Variants in ZBBX observed in about 807,000 individuals in gnomAD.
ZBBX encodes zinc finger B-box domain containing.
In ZBBX, 101 loss-of-function variants were observed where a neutral mutation model predicts 108.5. The observed-to-expected ratio is 0.93, with a 90% CI of 0.79 to 1.10. The LOEUF is 1.10. Among genes scored for constraint, ZBBX ranks in the 50% least tolerant of loss-of-function variants. ZBBX has a pLI of 0.00. For missense variants in ZBBX, 1,009 were observed against 941.4 expected (o/e 1.07, Z -0.94); for synonymous variants, 356 against 323.4 (o/e 1.10, Z -1.08).
chr3:167,383,496 A>C (rs1260663424), upstream of ZBBX, among the ~76,000 whole-genome samples: 2 of 152,102 alleles, frequency 1.3e-5, no homozygotes, highest in African/African-American at 4.8e-5. Context: ...GCTAAACTTG[A>C]GGAAGAATAA....
At chr3:167,348,251 G>GTGGA (rs1560162561) in intron 9 of ZBBX, among the ~76,000 whole-genome samples, 7 of 119,328 alleles carry the variant, frequency 5.9e-5, no homozygotes, top group Non-Finnish European at 9.0e-5. Context: ...GGGAGGGAGG[G>GTGGA]AGGGTGGAAG....
In ZBBX at chr3:167,282,443, A is replaced by C; in HGVS notation, c.2049T>G (p.Val683=). 6.2e-7 allele frequency: 1 copy of C among 1,614,026 alleles called. No individual in the cohort carries two copies. Among genetic ancestry groups the C allele is most frequent in the Non-Finnish European group, 8.5e-7 (1 of 1,179,902 alleles). The stretch of plus-strand genomic sequence containing the variant: ...ATGAAAGGCAACTGGAGCTTTCTTT[A>C]ACAGAGTTGGAAAGTGGAAAATTTG... ...STANFPLSNS[V]KESSSCLSSS... is the part of the protein sequence containing the mutation. Residue 683 remains valine, a synonymous_variant, in exon 20 of 22, where the codon GTT becomes GTG. Transcript: ENST00000675490.
intron 12 of ZBBX, 95 bp downstream of exon 12, chr3:167,322,022 A>G (rs1262467287): frequency 1.4e-6 from 1 of 697,710 alleles, no homozygotes; most frequent in Non-Finnish European, 2.1e-6. Context: ...AATATGAAAT[A>G]TACATATAAA....
intron 15 of ZBBX, among the ~76,000 whole-genome samples, chr3:167,314,769 T>G (rs1322404437): frequency 1.3e-5 from 2 of 152,162 alleles, no homozygotes; most frequent in Non-Finnish European, 2.9e-5. Context: ...ACCAAAGCTG[T>G]AAAACTACTG....
the ZBBX span, among the ~76,000 whole-genome samples, chr3:167,213,162 GT>G: frequency 6.6e-6 from 1 of 152,110 alleles, no homozygotes; most frequent in East Asian, 1.9e-4. Context: ...GATCACACAA[GT>G]TTTTCAACAA....
At chr3:167,302,353 T>C (rs1333772115) in intron 17 of ZBBX, among the ~76,000 whole-genome samples, 1 of 152,216 alleles carries the variant, frequency 6.6e-6, no homozygotes, top group African/African-American at 2.4e-5. Flanking sequence ...GATAGGTACA[T>C]ACAAATTCAG....
At chr3:167,350,297 A>G in intron 9 of ZBBX, 123 bp downstream of exon 9, 1 of 658,820 alleles carries the variant, frequency 1.5e-6, no homozygotes, top group South Asian at 2.7e-5. Context: ...GTCTGTATAT[A>G]ATAGAATTTT....
intron 20 of ZBBX, among the ~76,000 whole-genome samples, chr3:167,244,015 C>G (rs570440841): frequency 6.6e-6 from 1 of 151,970 alleles, no homozygotes; most frequent in African/African-American, 2.4e-5. Flanking sequence ...TTTAGGGGCT[C>G]TATATAAGAT....
intron 12 of ZBBX, among the ~76,000 whole-genome samples, chr3:167,321,818 T>G (rs1736493115): frequency 6.6e-6 from 1 of 152,038 alleles, no homozygotes; most frequent in Admixed American, 6.6e-5. Context: ...CAAAGTAATA[T>G]TTCATTTATC....
At chr3:167,404,876 A>T (rs1214441722) in intron 1 of ZBBX, among the ~76,000 whole-genome samples, 1 of 152,220 alleles carries the variant, frequency 6.6e-6, no homozygotes, top group African/African-American at 2.4e-5. Flanking sequence ...ACAATAATCT[A>T]GTGAAACAAG....
At chr3:167,181,980 T>C in the ZBBX span, among the ~76,000 whole-genome samples, 1 of 152,300 alleles carries the variant, frequency 6.6e-6, no homozygotes, top group Admixed American at 6.5e-5. Context: ...GGGCCCCTCA[T>C]GGTGTTTCCC....
intron 10 of ZBBX, among the ~76,000 whole-genome samples, chr3:167,330,409 T>C (rs1317127284): frequency 1.3e-5 from 2 of 152,172 alleles, no homozygotes; most frequent in Admixed American, 6.6e-5. Flanking sequence ...CAAGAGTTTT[T>C]AGCTGGGAGC....
chr3:167,352,453 C>G (rs1019673673), intron 8 of ZBBX, among the ~76,000 whole-genome samples: 1 of 151,964 alleles, frequency 6.6e-6, no homozygotes, highest in Non-Finnish European at 1.5e-5. Context: ...AAATCCAGAA[C>G]AGACCAATAT....
the ZBBX span, among the ~76,000 whole-genome samples, chr3:167,218,266 T>TA: frequency 6.6e-6 from 1 of 152,034 alleles, no homozygotes; most frequent in African/African-American, 2.4e-5. Flanking sequence ...AATAATAATT[T>TA]AAAAAATCAT....
chr3:167,391,566 G>A (rs1365867804), intron 1 of ZBBX, among the ~76,000 whole-genome samples: 1 of 151,976 alleles, frequency 6.6e-6, no homozygotes, highest in Non-Finnish European at 1.5e-5. Context: ...AATGGTACCA[G>A]CTCCTCTTTG....
upstream of ZBBX, among the ~76,000 whole-genome samples, chr3:167,382,103 C>T (rs1344320685): frequency 6.6e-6 from 1 of 152,146 alleles, no homozygotes; most frequent in African/African-American, 2.4e-5. Context: ...TTTACTTACA[C>T]AATAGTAAAA....
intron 1 of ZBBX, among the ~76,000 whole-genome samples, chr3:167,399,762 T>C (rs1577148308): frequency 6.6e-6 from 1 of 152,144 alleles, no homozygotes; most frequent in Non-Finnish European, 1.5e-5. Flanking sequence ...GTTACAAGGG[T>C]ATATTGCATG....
At chr3:167,261,376 CG>C (rs1345380751) in intron 20 of ZBBX, among the ~76,000 whole-genome samples, 1 of 149,688 alleles carries the variant, frequency 6.7e-6, no homozygotes, top group Non-Finnish European at 1.5e-5. Context: ...TGGCGGTGGT[CG>C]GGGCCCTAGA....
At chr3:167,329,463 G>A (rs1374868393) in intron 10 of ZBBX, among the ~76,000 whole-genome samples, 1 of 152,176 alleles carries the variant, frequency 6.6e-6, no homozygotes, top group African/African-American at 2.4e-5. Flanking sequence ...GGACCTGTCA[G>A]ACACTAGACA....
Sources: allele counts gnomAD v4.1 joint callset (sites outside exome capture counted in the v4.1 genomes callset), GRCh38; gene constraint gnomAD v4.1.1; transcripts MANE v1.5; gene names NCBI Gene and HGNC (gene_info 2026-07-23, HGNC 2026-07-21).